The following NELL1 variants were observed in gnomAD, a reference collection of about 807,000 sequenced individuals.
NELL1 encodes neural EGFL like 1.
NELL1 carries 76 observed loss-of-function variants against 107.4 expected under a neutral mutation model. The ratio of observed to expected loss-of-function variants is 0.71; its 90% CI spans 0.59 to 0.86. The LOEUF (loss-of-function observed/expected upper bound fraction) is 0.86, where lower values mean the gene tolerates loss of function less well. Among genes scored for constraint, NELL1 ranks in the 40% least tolerant of loss-of-function variants. The pLI is 0.00. For synonymous variants in NELL1, 353 were observed against 341.2 expected, an observed-to-expected ratio of 1.03 and a Z score of -0.38; for missense variants, 1,024 against 1,005.5, an observed-to-expected ratio of 1.02 and a Z score of -0.25.
intron 13 of NELL1, among the ~76,000 whole-genome samples, chr11:21,193,014 A>G (rs897838812): frequency 2.0e-5 from 3 of 151,900 alleles, no homozygotes; most frequent in Non-Finnish European, 2.9e-5. Context: ...CATTTACAAA[A>G]TGTAGTGGTT....
At chr11:21,064,501 A>C (rs1415419304) in intron 12 of NELL1, among the ~76,000 whole-genome samples, 1 of 152,180 alleles carries the variant, frequency 6.6e-6, no homozygotes, top group Non-Finnish European at 1.5e-5. Flanking sequence ...TGAGGGGTTG[A>C]GTAGTCCAAG....
At chr11:21,187,472 T>A (rs1489915484) in intron 13 of NELL1, among the ~76,000 whole-genome samples, 1 of 151,860 alleles carries the variant, frequency 6.6e-6, no homozygotes, top group Non-Finnish European at 1.5e-5. Flanking sequence ...AATGATAAAT[T>A]CATCCTTAAT....
At chr11:20,765,361 C>T (rs113282989) in intron 2 of NELL1, among the ~76,000 whole-genome samples, 218 of 152,240 alleles carry the variant, frequency 1.4e-3, no homozygotes, top group African/African-American at 5.1e-3. Context: ...TCCATTTCTC[C>T]AATGTCCTTC....
At chr11:20,692,113 G>C (rs1433744976) in intron 2 of NELL1, among the ~76,000 whole-genome samples, 1 of 151,876 alleles carries the variant, frequency 6.6e-6, no homozygotes, top group Non-Finnish European at 1.5e-5. Flanking sequence ...TTGTATTTCT[G>C]TGGGATCGGT....
chr11:20,674,904 A>G (rs1216721110), intron 1 of NELL1, among the ~76,000 whole-genome samples: 1 of 152,196 alleles, frequency 6.6e-6, no homozygotes, highest in East Asian at 1.9e-4. Flanking sequence ...GCATCGGTCA[A>G]TATTGTCATA....
intron 14 of NELL1, among the ~76,000 whole-genome samples, chr11:21,253,136 C>T (rs763446882): frequency 7.2e-5 from 11 of 152,048 alleles, no homozygotes; most frequent in Admixed American, 2.0e-4. Flanking sequence ...CTTTAGGGAT[C>T]ATCTCTCCTA....
intron 15 of NELL1, among the ~76,000 whole-genome samples, chr11:21,423,467 AC>A (rs1360120010): frequency 2.7e-5 from 4 of 149,674 alleles, no homozygotes; most frequent in African/African-American, 1.0e-4. Context: ...ATAATAAAAA[AC>A]AAAAATAAAT....
At chr11:21,317,898 G>A (rs7945291) in intron 14 of NELL1, among the ~76,000 whole-genome samples, 83,371 of 151,856 alleles carry the variant, frequency 0.55, 23,434 homozygotes, top group African/African-American at 0.65. Flanking sequence ...TTATTATTAT[G>A]TAACCATGTA....
intron 2 of NELL1, among the ~76,000 whole-genome samples, chr11:20,756,922 A>G (rs1177883258): frequency 2.0e-5 from 3 of 152,130 alleles, no homozygotes; most frequent in Non-Finnish European, 4.4e-5. Flanking sequence ...GAGGAATTGC[A>G]TGGACCAGGG....
intron 15 of NELL1, among the ~76,000 whole-genome samples, chr11:21,385,256 G>A (rs559380082): frequency 9.2e-5 from 14 of 151,854 alleles, no homozygotes; most frequent in African/African-American, 3.1e-4. Flanking sequence ...TTATATTTCC[G>A]GAGACCAGGG....
At chr11:21,395,410 T>G (rs1048211533) in intron 15 of NELL1, among the ~76,000 whole-genome samples, 1 of 151,590 alleles carries the variant, frequency 6.6e-6, no homozygotes, top group Admixed American at 6.6e-5. Context: ...AAGCAGATTA[T>G]GAAATGATTT....
chr11:20,799,900 C>A (rs968564938), intron 3 of NELL1, among the ~76,000 whole-genome samples: 4 of 152,104 alleles, frequency 2.6e-5, no homozygotes, highest in African/African-American at 9.7e-5. Flanking sequence ...GTTTTGCTCA[C>A]CTTTATGTCT....
At position 21,173,737 on chromosome 11, in the gene NELL1, A is replaced by G. The variant is rs185106080; in HGVS notation, c.1427-55595A>G. 1.2e-3 allele frequency among the ~76,000 whole-genome samples: 175 copies of G among 151,374 alleles called. 6 individuals carry two copies. Among genetic ancestry groups the G allele is most frequent in the African/African-American group, 4.1e-3 (168 of 41,022 alleles). On this transcript the variant is annotated intron_variant, in intron 13 of 19. Transcript: ENST00000357134. ...TATGAATTGACTTGATTATTGCTTG[A>G]TATGTAGAGGTATGTGTGTGTGTGT...
At position 20,997,334 on chromosome 11, in the gene NELL1, TA is replaced by T. The variant is rs1402097243; in HGVS notation, c.1300+36776del. On this transcript the variant is annotated intron_variant, in intron 12 of 19. Coordinates refer to ENST00000357134, the MANE Select transcript of NELL1 (RefSeq NM_006157.5). ...AAAAAAGCTAAAGGACAAGATACAG[TA>T]ACTCAGTGGTTCGTCTGTATGTTAC... 1.8e-4 allele frequency among the ~76,000 whole-genome samples: 28 copies of T among 152,304 alleles called. No homozygotes were observed. The East Asian group carries it at 2.5e-3, about 14-fold the overall frequency.
At chr11:21,337,596 T>C (rs184856243) in intron 14 of NELL1, among the ~76,000 whole-genome samples, 29 of 152,338 alleles carry the variant, frequency 1.9e-4, no homozygotes, top group African/African-American at 6.7e-4. Flanking sequence ...CCAGGCCAGC[T>C]ACAAGGGAAA....
At chr11:21,199,077 G>C (rs1052719974) in intron 13 of NELL1, among the ~76,000 whole-genome samples, 1 of 151,946 alleles carries the variant, frequency 6.6e-6, no homozygotes, top group Non-Finnish European at 1.5e-5. Flanking sequence ...TCTGGTCTGG[G>C]AAAAAAATAG....
intron 10 of NELL1, among the ~76,000 whole-genome samples, chr11:20,946,648 A>G (rs368035389): frequency 2.6e-5 from 4 of 152,096 alleles, no homozygotes; most frequent in Admixed American, 1.3e-4. Flanking sequence ...CCTTTATTCC[A>G]CTAATCAAGT....
chr11:20,806,280 GTGTGTT>G (rs1340534720), intron 3 of NELL1, among the ~76,000 whole-genome samples: 4 of 129,534 alleles, frequency 3.1e-5, no homozygotes, highest in African/African-American at 1.3e-4. Context: ...GTGTGTGTGT[GTGTGTT>G]TGTGTTTGTG....
At chr11:21,543,036 G>A (rs544150454) in intron 16 of NELL1, among the ~76,000 whole-genome samples, 7 of 152,074 alleles carry the variant, frequency 4.6e-5, no homozygotes, top group African/African-American at 1.7e-4. Context: ...ATGTCAGGGT[G>A]GAAAAGCACC....
Sources: gnomAD v4.1 joint callset for allele counts (sites outside exome capture counted in the v4.1 genomes callset) on GRCh38, gnomAD v4.1.1 for gene constraint, MANE v1.5 for transcripts, NCBI Gene and HGNC (gene_info 2026-07-23, HGNC 2026-07-21) for gene names.